CAMK2D: variants seen among roughly 807,000 people sequenced by gnomAD.
The protein encoded by CAMK2D is calcium/calmodulin dependent protein kinase II delta.
A neutral mutation model predicts 84.0 loss-of-function variants in CAMK2D; 37 were observed. The ratio of observed to expected loss-of-function variants is 0.44; its 90% CI spans 0.34 to 0.58. CAMK2D has a LOEUF of 0.58. CAMK2D is among the 20% of genes least tolerant of loss of function. CAMK2D has a pLI of 0.02. For synonymous variants in CAMK2D, 202 were observed against 212.5 expected (o/e 0.95, Z 0.43); for missense variants, 448 against 652.5 (o/e 0.69, Z 3.41).
intron 4 of CAMK2D, among the ~76,000 whole-genome samples, chr4:113,580,087 A>T (rs147869594): frequency 6.6e-6 from 1 of 152,328 alleles, no homozygotes; most frequent in Non-Finnish European, 1.5e-5. Flanking sequence ...CATTTTTTCT[A>T]AACAAAAGTG....
At chr4:113,456,008 G>A (rs1323714773) in intron 19 of CAMK2D, among the ~76,000 whole-genome samples, 187 bp from the exon 20 acceptor site, 7 of 152,060 alleles carry the variant, frequency 4.6e-5, no homozygotes, top group African/African-American at 1.2e-4. Flanking sequence ...ACACAAAAAC[G>A]GGTGTCTTCA....
chr4:113,536,390 G>A (rs1326180297), intron 7 of CAMK2D, among the ~76,000 whole-genome samples: 1 of 152,142 alleles, frequency 6.6e-6, no homozygotes. Flanking sequence ...AATCCTGGGA[G>A]CCATATGTAC....
chr4:113,628,500 C>G (rs1469715216), intron 3 of CAMK2D, among the ~76,000 whole-genome samples: 1 of 152,078 alleles, frequency 6.6e-6, no homozygotes, highest in Non-Finnish European at 1.5e-5. Context: ...TGCCGTGAAA[C>G]AGTGAAGTTT....
chr4:113,553,881 T>A (rs1363542691), intron 4 of CAMK2D, among the ~76,000 whole-genome samples: 1 of 152,218 alleles, frequency 6.6e-6, no homozygotes, highest in African/African-American at 2.4e-5. Context: ...ACAAGTCTAC[T>A]GTTGCCTGTA....
chr4:113,661,660 A>G (rs1169920477), intron 3 of CAMK2D, 53 bp downstream of exon 3: 3 of 783,344 alleles, frequency 3.8e-6, no homozygotes, highest in Non-Finnish European at 6.1e-6. Flanking sequence ...ATTGTGGTAA[A>G]TAACATAAAA....
chr4:113,636,493 T>C (rs568725248), intron 3 of CAMK2D, among the ~76,000 whole-genome samples: 2 of 152,338 alleles, frequency 1.3e-5, no homozygotes, highest in African/African-American at 4.8e-5. Context: ...GAAGCCCTCC[T>C]ATCCTTAATA....
chr4:113,587,757 C>A (rs2098840541), intron 4 of CAMK2D, among the ~76,000 whole-genome samples: 1 of 152,090 alleles, frequency 6.6e-6, no homozygotes, highest in African/African-American at 2.4e-5. Flanking sequence ...TTTTAAAGGT[C>A]TAAATATTGC....
intron 3 of CAMK2D, among the ~76,000 whole-genome samples, chr4:113,613,732 T>C (rs1192294691): frequency 6.6e-6 from 1 of 152,144 alleles, no homozygotes; most frequent in Non-Finnish European, 1.5e-5. Flanking sequence ...GAACATTTAA[T>C]GTACCAAAAA....
rs139352195 is a variant in CAMK2D, at chr4:113,670,151, G to A, written c.161-8379C>T. 3.0e-3 allele frequency among the ~76,000 whole-genome samples: 455 copies of A among 152,182 alleles called. 2 individuals carry two copies. The highest frequency in any genetic ancestry group is 0.01 in the Middle Eastern group (3 of 294). On this transcript the variant is annotated intron_variant, in intron 2 of 20. Coordinates refer to ENST00000511664, the MANE Select transcript of CAMK2D (RefSeq NM_001321571.2). ...ACAAAAAATAGCTGGGCATGGTAGCGTGGGCCTGTACTCCCAGCTACTCTG... is the reference window on the plus strand; with the variant it reads ...ACAAAAAATAGCTGGGCATGGTAGCATGGGCCTGTACTCCCAGCTACTCTG...
intron 2 of CAMK2D, among the ~76,000 whole-genome samples, chr4:113,690,207 A>G (rs2099382926): frequency 6.6e-6 from 1 of 152,206 alleles, no homozygotes; most frequent in African/African-American, 2.4e-5. Flanking sequence ...AACATGATTT[A>G]TAATTCACCT....
chr4:113,490,084 T>C (rs1246775717), intron 16 of CAMK2D, among the ~76,000 whole-genome samples: 11 of 150,840 alleles, frequency 7.3e-5, no homozygotes, highest in Admixed American at 5.3e-4. Context: ...TTCTCCCATT[T>C]TGTAGGTTGC....
chr4:113,460,576 AT>A (rs2097360982), intron 17 of CAMK2D, among the ~76,000 whole-genome samples: 1 of 151,902 alleles, frequency 6.6e-6, no homozygotes. Flanking sequence ...GAGGTTTACT[AT>A]TTTTTAAAAA....
chr4:113,609,200 A>T lies in CAMK2D; in HGVS notation c.227T>A (p.Leu76His). Reference protein sequence around the residue: ...RLLKHPNIVRLHDSISEEGFH... With the variant: ...RLLKHPNIVRHHDSISEEGFH... ...GCCCTCTTCTGATATGCTATCATGAAGTCGCACTAGAAAAAAATAAGAGAA... is the reference window on the plus strand; with the variant it reads ...GCCCTCTTCTGATATGCTATCATGATGTCGCACTAGAAAAAAATAAGAGAA... The change falls in exon 4 of 21, where the codon CTT (leucine) becomes CAT (histidine). Residue 76 changes from leucine (L) to histidine (H), a missense_variant. By Grantham distance (99) the Leu-to-His change is moderately conservative. Around this residue, in one of 7 missense-constraint regions of CAMK2D, gnomAD observed 46 missense variants for 46.3 expected, o/e 0.99. Transcript: ENST00000511664. 1 of 1,574,502 alleles carries T rather than the reference A, an allele frequency of 6.4e-7. No individual in the cohort carries two copies. The highest frequency in any genetic ancestry group is 8.7e-7 in the Non-Finnish European group (1 of 1,144,240).
intron 2 of CAMK2D, among the ~76,000 whole-genome samples, chr4:113,666,124 C>A (rs937913834): frequency 6.6e-6 from 1 of 152,094 alleles, no homozygotes; most frequent in African/African-American, 2.4e-5. Context: ...ATCACAAATG[C>A]AAATTAAAGT....
At chr4:113,651,805 G>A (rs1305069105) in intron 3 of CAMK2D, among the ~76,000 whole-genome samples, 2 of 151,996 alleles carry the variant, frequency 1.3e-5, no homozygotes, top group Non-Finnish European at 1.5e-5. Flanking sequence ...CTTGTACAGC[G>A]ATAATAATTA....
At chr4:113,730,258 T>A (rs920455251) in intron 2 of CAMK2D, among the ~76,000 whole-genome samples, 1 of 152,174 alleles carries the variant, frequency 6.6e-6, no homozygotes, top group African/African-American at 2.4e-5. Flanking sequence ...ATTGTTAACC[T>A]TTTTTTCTAA....
At chr4:113,638,200 G>C (rs560432767) in intron 3 of CAMK2D, among the ~76,000 whole-genome samples, 1 of 152,272 alleles carries the variant, frequency 6.6e-6, no homozygotes, top group South Asian at 2.1e-4. Flanking sequence ...AGGGAAGGCT[G>C]ACTGAGGTTA....
In CAMK2D at chr4:113,469,792, A is replaced by G. The variant is rs2097525440; in HGVS notation, c.1136-4188T>C. On this transcript the variant is annotated intron_variant, in intron 16 of 20. Coordinates refer to ENST00000511664, the MANE Select transcript of CAMK2D (RefSeq NM_001321571.2). ...TAAGCCAGAAAGAAACCTGAGGATCATATTTGACTCCCTAAATCCAGCACC... is the reference window on the plus strand; with the variant it reads ...TAAGCCAGAAAGAAACCTGAGGATCGTATTTGACTCCCTAAATCCAGCACC... Among the ~76,000 whole-genome samples, 6 of 152,290 alleles carry G rather than the reference A, an allele frequency of 3.9e-5. No individual in the cohort carries two copies. The South Asian group carries it at 1.0e-3, about 26-fold the overall frequency.
At chr4:113,585,416 T>C (rs1181928418) in intron 4 of CAMK2D, among the ~76,000 whole-genome samples, 3 of 152,176 alleles carry the variant, frequency 2.0e-5, no homozygotes, top group Non-Finnish European at 2.9e-5. Context: ...TACACACATA[T>C]ACATGTGTGT....
Sources: gnomAD v4.1 joint callset for allele counts (sites outside exome capture counted in the v4.1 genomes callset) on GRCh38, gnomAD v4.1.1 for gene constraint, gnomAD v4.1.1 regional missense constraint, MANE v1.5 for transcripts, NCBI Gene and HGNC (gene_info 2026-07-23, HGNC 2026-07-21) for gene names.